The following STPG2 variants were observed in gnomAD, a reference collection of about 807,000 sequenced individuals.
STPG2 encodes the protein sperm-tail PG-rich repeat-containing protein 2.
A neutral mutation model predicts 54.2 loss-of-function variants in STPG2; 56 were observed. The observed-to-expected ratio is 1.03, with a 90% CI of 0.83 to 1.29. The LOEUF is 1.29. STPG2 is among the 50% of genes most tolerant of loss of function. STPG2 has a pLI of 0.00. For synonymous variants in STPG2, 200 were observed against 181.8 expected (o/e 1.10, Z -0.81); for missense variants, 596 against 544.9 (o/e 1.09, Z -0.93).
intron 9 of STPG2, among the ~76,000 whole-genome samples, chr4:97,838,963 G>C (rs1326952201): frequency 6.6e-6 from 1 of 151,394 alleles, no homozygotes; most frequent in Non-Finnish European, 1.5e-5. Context: ...ATGAATTACT[G>C]GTATTAACCA....
chr4:97,537,488 G>A (rs527553378), intron 4 of STPG2, among the ~76,000 whole-genome samples: 1 of 152,318 alleles, frequency 6.6e-6, no homozygotes, highest in East Asian at 1.9e-4. Context: ...GCAGCAGCAA[G>A]GCTGGGGGAG....
intron 4 of STPG2, among the ~76,000 whole-genome samples, chr4:97,445,799 C>T (rs1729207045): frequency 6.6e-6 from 1 of 152,120 alleles, no homozygotes; most frequent in Non-Finnish European, 1.5e-5. Flanking sequence ...ATTACTTTAG[C>T]AAATAATTTT....
chr4:97,820,605 T>C (rs1367944280), intron 9 of STPG2, among the ~76,000 whole-genome samples: 1 of 152,200 alleles, frequency 6.6e-6, no homozygotes, highest in Non-Finnish European at 1.5e-5. Context: ...GCTATAAAAA[T>C]ATACCTGAGA....
chr4:97,989,734 G>A (rs1027824355), intron 5 of STPG2, among the ~76,000 whole-genome samples: 2 of 152,120 alleles, frequency 1.3e-5, no homozygotes, highest in Non-Finnish European at 2.9e-5. Flanking sequence ...TAAAATAAGG[G>A]TTCTTTGAAC....
intron 9 of STPG2, among the ~76,000 whole-genome samples, chr4:97,762,571 T>C (rs1432930534): frequency 6.6e-6 from 1 of 152,126 alleles, no homozygotes; most frequent in Non-Finnish European, 1.5e-5. Flanking sequence ...CACATGTAGC[T>C]AAAAATGCCT....
At chr4:97,736,051 G>A (rs1245893093) in intron 9 of STPG2, among the ~76,000 whole-genome samples, 2 of 152,202 alleles carry the variant, frequency 1.3e-5, no homozygotes, top group Non-Finnish European at 1.5e-5. Flanking sequence ...ATGTGTTAGT[G>A]AGGGTGTGCA....
At chr4:97,753,527 G>A (rs1351245203) in intron 9 of STPG2, among the ~76,000 whole-genome samples, 1 of 151,912 alleles carries the variant, frequency 6.6e-6, no homozygotes, top group Admixed American at 6.6e-5. Context: ...ATGAACATTG[G>A]TATACAAATA....
chr4:97,667,993 C>G (rs893334962), intron 10 of STPG2, among the ~76,000 whole-genome samples: 1 of 152,062 alleles, frequency 6.6e-6, no homozygotes, highest in African/African-American at 2.4e-5. Context: ...AGGATATTAT[C>G]AGTAATTTAA....
intron 8 of STPG2, among the ~76,000 whole-genome samples, chr4:97,915,680 C>T (rs1197634557): frequency 2.6e-5 from 4 of 151,952 alleles, no homozygotes; most frequent in Admixed American, 6.6e-5. Context: ...AGCAAAATGA[C>T]GGAGGCAGGA....
In STPG2 at chr4:97,758,627, G is replaced by T. The variant is rs553662645; in HGVS notation, c.1205-45813C>A. Among the ~76,000 whole-genome samples the T allele has an allele frequency of 2.6e-5, 4 of 152,138 alleles. No homozygotes were observed. In the East Asian group the frequency reaches 7.8e-4, roughly 30 times the overall value. ...TCACACATCAGGGCCTGTCAGGGGG[G>T]TGCGGGGAGAGGGGACGGAGAGCAT... On this transcript the variant is annotated intron_variant, in intron 9 of 10. Coordinates refer to ENST00000295268, the MANE Select transcript of STPG2 (RefSeq NM_174952.3).
intron 1 of STPG2, among the ~76,000 whole-genome samples, chr4:98,140,104 T>A (rs1740238494): frequency 6.6e-6 from 1 of 152,154 alleles, no homozygotes. Flanking sequence ...TCACTTTAGC[T>A]GAATCTCAAA....
intron 8 of STPG2, among the ~76,000 whole-genome samples, chr4:97,921,459 A>G (rs1426058138): frequency 6.6e-6 from 1 of 152,126 alleles, no homozygotes; most frequent in Admixed American, 6.5e-5. Flanking sequence ...AAGAGATAGA[A>G]GCCATGGAAA....
At chr4:97,492,863 G>A (rs887389899) in intron 4 of STPG2, among the ~76,000 whole-genome samples, 1 of 149,786 alleles carries the variant, frequency 6.7e-6, no homozygotes, top group African/African-American at 2.4e-5. Flanking sequence ...TTCTAAGATG[G>A]CCACACCAAA....
chr4:97,813,038 G>A (rs1356560662), intron 9 of STPG2, among the ~76,000 whole-genome samples: 2 of 152,012 alleles, frequency 1.3e-5, no homozygotes, highest in African/African-American at 4.8e-5. Context: ...CTGCTATCAA[G>A]TTCTGTTACC....
chr4:97,518,765 T>G (rs1453345586), intron 4 of STPG2, among the ~76,000 whole-genome samples: 1 of 152,100 alleles, frequency 6.6e-6, no homozygotes, highest in Non-Finnish European at 1.5e-5. Context: ...GCCTGTTATG[T>G]TACTTCTGTC....
At chr4:97,919,869 C>A (rs956410803) in intron 8 of STPG2, among the ~76,000 whole-genome samples, 1 of 152,170 alleles carries the variant, frequency 6.6e-6, no homozygotes, top group Non-Finnish European at 1.5e-5. Flanking sequence ...AGGACATTTG[C>A]ATTCCCTGTC....
chr4:97,796,367 T>G (rs549734184), intron 9 of STPG2, among the ~76,000 whole-genome samples: 7 of 152,340 alleles, frequency 4.6e-5, no homozygotes, highest in South Asian at 4.1e-4. Flanking sequence ...CATCTTGAAT[T>G]AATTTTTTTA....
chr4:97,574,379 G>T (rs988675811), intron 10 of STPG2, among the ~76,000 whole-genome samples: 4 of 151,906 alleles, frequency 2.6e-5, no homozygotes, highest in Non-Finnish European at 5.9e-5. Flanking sequence ...TGTGACACAG[G>T]AACCTTCAGA....
intron 4 of STPG2, among the ~76,000 whole-genome samples, chr4:97,453,294 C>A (rs1483110783): frequency 1.3e-5 from 2 of 152,216 alleles, no homozygotes; most frequent in Non-Finnish European, 2.9e-5. Context: ...AGCTGCCCAC[C>A]CTGCTACAGC....
Sources: gnomAD v4.1 joint callset for allele counts (sites outside exome capture counted in the v4.1 genomes callset) on GRCh38, gnomAD v4.1.1 for gene constraint, MANE v1.5 for transcripts, NCBI Gene and HGNC (gene_info 2026-07-23, HGNC 2026-07-21) for gene names.